The following MPLKIP variants were observed in gnomAD, a reference collection of about 807,000 sequenced individuals.
The protein encoded by MPLKIP is M-phase specific PLK1 interacting protein.
Under a neutral mutation model 16.9 loss-of-function variants are expected in MPLKIP, and 16 were observed. The ratio of observed to expected loss-of-function variants is 0.94; its 90% CI spans 0.64 to 1.43. MPLKIP has a LOEUF of 1.43. Among genes scored for constraint, MPLKIP ranks in the 40% most tolerant of loss-of-function variants. The probability of loss-of-function intolerance (pLI) is 0.00; values close to 1 mark genes in which losing one functional copy is unlikely to be tolerated. For synonymous variants in MPLKIP, 126 were observed against 98.4 expected (o/e 1.28, Z -1.66); for missense variants, 282 against 237.6 (o/e 1.19, Z -1.23).
Position 40,134,617 on chromosome 7 carries a change from T to G in MPLKIP, c.-50A>C, listed in dbSNP as rs746561954. ...CGCAGCCGCGTTCTCCCACCGGAAC[T>G]GTATCAACCGGCCCTCCGCAGAGAA... On this transcript the variant is annotated 5_prime_UTR_variant, in exon 1 of 2. Transcript: ENST00000306984. 2.0e-6 allele frequency: 3 copies of G among 1,528,326 alleles called. No homozygotes were observed. The highest frequency in any genetic ancestry group is 2.6e-6 in the Non-Finnish European group (3 of 1,133,966). 94.7% of individuals were successfully genotyped at this position (1,528,326 alleles called of 1,614,324 possible). A position where few individuals can be genotyped will look rare whatever the true frequency, so the allele number is the denominator to read the frequency against.
rs1787473893 is a variant in MPLKIP, at chr7:40,132,266, A to G, written c.*793T>C. 1.3e-5 allele frequency: 2 copies of G among 152,224 alleles called. No homozygotes were observed. Among genetic ancestry groups the G allele is most frequent in the African/African-American group, 4.8e-5 (2 of 41,446 alleles). The allele number at this position is 152,224 out of a possible 1,614,324, so 9.4% of individuals were successfully genotyped here. On this transcript the variant is annotated 3_prime_UTR_variant, in exon 2 of 2. Transcript: ENST00000306984. ...ATTGGTTCAATAATACAGAAACATGATCTAAGTATGGCAAATTTGTCTTCT... is the reference window on the plus strand; with the variant it reads ...ATTGGTTCAATAATACAGAAACATGGTCTAAGTATGGCAAATTTGTCTTCT...
rs755130040 is a variant in MPLKIP, at chr7:40,133,217, T to G, written c.382A>C (p.Arg128=). The G allele has an allele frequency of 1.9e-6, 3 of 1,613,686 alleles. No homozygotes were observed. The highest frequency in any genetic ancestry group is 2.5e-6 in the Non-Finnish European group (3 of 1,179,982). The change falls in exon 2 of 2, where the codon AGA becomes CGA. Residue 128 remains arginine, a synonymous_variant. Coordinates refer to ENST00000306984, the MANE Select transcript of MPLKIP (RefSeq NM_138701.4). ...AACTCATTAGACATTCTTTTTTCTC[T>G]AACACGCCCTGATCCAAATGGTGTA... ...TSTPFGSGRV[R]EKRMSNELEN...
chr7:40,132,624 G>A lies in MPLKIP; in HGVS notation c.*435C>T, dbSNP rs2150559735. 1 of 246,916 alleles carries A rather than the reference G, an allele frequency of 4.0e-6. No homozygotes were observed. The highest frequency in any genetic ancestry group is 1.1e-4 in the East Asian group (1 of 8,984). 15.3% of individuals were successfully genotyped at this position (246,916 alleles called of 1,614,324 possible). On this transcript the variant is annotated 3_prime_UTR_variant, in exon 2 of 2. Transcript: ENST00000306984. ...CAGAGCTGTCTACAGCTCAAAGGAT[G>A]GTTTACCTATTTCATTTTCAAAAAT...
rs1787432163 is a variant in MPLKIP at position 40,129,384 on chromosome 7, G to A, written c.*3675C>T. The A allele has an allele frequency of 6.6e-6, 1 of 151,796 alleles. No homozygotes were observed. The highest frequency in any genetic ancestry group is 6.6e-5 in the Admixed American group (1 of 15,218). The allele number at this position is 151,796 out of a possible 1,614,324, so 9.4% of individuals were successfully genotyped here. ...TGATTCTTCTGCCTCAGCCTCCCCA[G>A]TAGCTGGTATTACAGGCGCGCGCCA... On this transcript the variant is annotated 3_prime_UTR_variant, in exon 2 of 2. Coordinates refer to ENST00000306984, the MANE Select transcript of MPLKIP (RefSeq NM_138701.4).
Position 40,134,375 on chromosome 7 carries a change from G to T in MPLKIP, c.193C>A (p.His65Asn), listed in dbSNP as rs759958506. The change falls in exon 1 of 2, where the codon CAC becomes AAC. Residue 65 changes from histidine (H) to asparagine (N), a missense_variant. Coordinates refer to ENST00000306984, the MANE Select transcript of MPLKIP (RefSeq NM_138701.4). ...GPRSRPYGSSHSPRHGGSFPG... is the reference protein window; with the variant it reads ...GPRSRPYGSSNSPRHGGSFPG... ...AAGCTGCCGCCGTGTCGCGGAGAGT[G>T]ACTGCTCCCGTACGGCCTAGACCGG... is the stretch of plus-strand genomic sequence containing the variant. 2 of 1,556,552 alleles carry T rather than the reference G, an allele frequency of 1.3e-6. No individual in the cohort carries two copies. Among genetic ancestry groups the T allele is most frequent in the African/African-American group, 2.7e-5 (2 of 73,450 alleles).
Position 40,134,272 on chromosome 7 carries a change from T to A in MPLKIP, c.296A>T (p.Gln99Leu). The change falls in exon 1 of 2, where the codon CAG becomes CTG. Residue 99 changes from glutamine (Q) to leucine (L), a missense_variant. Coordinates refer to ENST00000306984, the MANE Select transcript of MPLKIP (RefSeq NM_138701.4). ...SYSRSPAGSQ[Q>L]QFGYSPGQQQ... is the part of the protein sequence containing the mutation. Reference sequence around the variant, plus strand: ...CTGCCCTGGGGAGTAGCCGAATTGCTGCTGGGACCCCGCGGGGGACCTGGA... The same window carrying A: ...CTGCCCTGGGGAGTAGCCGAATTGCAGCTGGGACCCCGCGGGGGACCTGGA... The A allele has an allele frequency of 6.4e-7, 1 of 1,561,642 alleles. No individual in the cohort carries two copies. The highest frequency in any genetic ancestry group is 8.7e-7 in the Non-Finnish European group (1 of 1,152,774).
Position 40,130,264 on chromosome 7 carries a change from A to C in MPLKIP, c.*2795T>G, listed in dbSNP as rs906307348. 2 of 152,236 alleles carry C rather than the reference A, an allele frequency of 1.3e-5. No homozygotes were observed. Among genetic ancestry groups the C allele is most frequent in the Admixed American group, 1.3e-4 (2 of 15,274 alleles). 9.4% of individuals were successfully genotyped at this position (152,236 alleles called of 1,614,324 possible). On this transcript the variant is annotated 3_prime_UTR_variant, in exon 2 of 2. Transcript: ENST00000306984. The stretch of plus-strand genomic sequence containing the variant: ...TTTATAGAGGTAAAATGTGTATCCT[A>C]GAACATTAAAAAACAATCCCTTTCA...
rs953116601 is a variant in MPLKIP, at chr7:40,129,125, T to C, written c.*3934A>G. 1 of 152,068 alleles carries C rather than the reference T, an allele frequency of 6.6e-6. No individual in the cohort carries two copies. The highest frequency in any genetic ancestry group is 6.6e-5 in the Admixed American group (1 of 15,238). 9.4% of individuals were successfully genotyped at this position (152,068 alleles called of 1,614,324 possible). The stretch of plus-strand genomic sequence containing the variant: ...TGCTCTTTGCTTTCCTTTCACACAA[T>C]GTACCCACAAAGGAAATGATTTTTT... On this transcript the variant is annotated 3_prime_UTR_variant, in exon 2 of 2. Transcript: ENST00000306984.
Position 40,134,339 on chromosome 7 carries a change from G to T in MPLKIP, c.229C>A (p.Arg77=), listed in dbSNP as rs1291344374. 3 of 1,552,888 alleles carry T rather than the reference G, an allele frequency of 1.9e-6. No homozygotes were observed. Among genetic ancestry groups the T allele is most frequent in the Non-Finnish European group, 1.7e-6 (2 of 1,148,966 alleles). ...CCGCCAGGGGACGGAGACCCGAACC[G>T]GCCCCCCGGGAAGCTGCCGCCGTGT... ...PRHGGSFPGG[R]FGSPSPGGYP... Residue 77 remains arginine, a synonymous_variant, in exon 1 of 2, where the codon CGG becomes AGG. Transcript: ENST00000306984.
Position 40,133,187 on chromosome 7 carries a change from T to A in MPLKIP, c.412A>T (p.Asn138Tyr). ...TCAAGCATTGAAGGCTTGAAATAATTTTCCAACTCATTAGACATTCTTTTT... is the reference window on the plus strand; with the variant it reads ...TCAAGCATTGAAGGCTTGAAATAATATTCCAACTCATTAGACATTCTTTTT... ...REKRMSNELE[N>Y]YFKPSMLEDP... Residue 138 changes from asparagine (N) to tyrosine (Y), a missense_variant, in exon 2 of 2, where the codon AAT (asparagine) becomes TAT (tyrosine). By Grantham distance (143) the Asn-to-Tyr change is moderately radical (BLOSUM62 -2). Coordinates refer to ENST00000306984, the MANE Select transcript of MPLKIP (RefSeq NM_138701.4). 6.2e-7 allele frequency: 1 copy of A among 1,613,952 alleles called. No individual in the cohort carries two copies. Among genetic ancestry groups the A allele is most frequent in the South Asian group, 1.1e-5 (1 of 91,084 alleles).
Position 40,134,316 on chromosome 7 carries a change from G to T in MPLKIP, c.252C>A (p.Gly84=), listed in dbSNP as rs1029283476. The part of the protein sequence containing the change: ...PGGRFGSPSP[G]GYPGSYSRSP... ...ACCTGGAGTAGGAGCCAGGGTAGCC[G>T]CCAGGGGACGGAGACCCGAACCGGC... Residue 84 remains glycine (G), a synonymous_variant, in exon 1 of 2, where the codon GGC becomes GGA. Transcript: ENST00000306984. 6.4e-7 allele frequency: 1 copy of T among 1,555,186 alleles called. No homozygotes were observed. The highest frequency in any genetic ancestry group is 8.7e-7 in the Non-Finnish European group (1 of 1,149,862).
Position 40,131,951 on chromosome 7 carries a change from T to A in MPLKIP, c.*1108A>T, listed in dbSNP as rs554508055. ...GTCCCAGCTACTCAGGAGCCGAAGG[T>A]TGCAGTGAGCCAAGATTGCACCACT... On this transcript the variant is annotated 3_prime_UTR_variant, in exon 2 of 2. Coordinates refer to ENST00000306984, the MANE Select transcript of MPLKIP (RefSeq NM_138701.4). 1 of 152,184 alleles carries A rather than the reference T, an allele frequency of 6.6e-6. No individual in the cohort carries two copies. The highest frequency in any genetic ancestry group is 2.4e-5 in the African/African-American group (1 of 41,438). 9.4% of individuals were successfully genotyped at this position (152,184 alleles called of 1,614,324 possible). A position where few individuals can be genotyped will look rare whatever the true frequency, so the allele number is the denominator to read the frequency against.
In MPLKIP at chr7:40,131,079, A is replaced by G. The variant is rs1288880133; in HGVS notation, c.*1980T>C. The G allele has an allele frequency of 6.6e-6, 1 of 152,190 alleles. No homozygotes were observed. The highest frequency in any genetic ancestry group is 2.4e-5 in the African/African-American group (1 of 41,452). The allele number at this position is 152,190 out of a possible 1,614,324, so 9.4% of individuals were successfully genotyped here. On this transcript the variant is annotated 3_prime_UTR_variant, in exon 2 of 2. Transcript: ENST00000306984. Reference sequence around the variant, plus strand: ...AATCCTCCAACACAACACCTCTATGACACAGGTACTATTAATTTTCTCATC... The same window carrying G: ...AATCCTCCAACACAACACCTCTATGGCACAGGTACTATTAATTTTCTCATC...
Position 40,130,157 on chromosome 7 carries a change from G to C in MPLKIP, c.*2902C>G, listed in dbSNP as rs1254343319. ...ACCCTTGTTTGAAGACTCTACTATA[G>C]ACTACACTTCCATCCTTTAAGCATA... is the stretch of plus-strand genomic sequence containing the variant. On this transcript the variant is annotated 3_prime_UTR_variant, in exon 2 of 2. Transcript: ENST00000306984. 1 of 152,082 alleles carries C rather than the reference G, an allele frequency of 6.6e-6. No individual in the cohort carries two copies. Among genetic ancestry groups the C allele is most frequent in the Non-Finnish European group, 1.5e-5 (1 of 68,008 alleles). 9.4% of individuals were successfully genotyped at this position (152,082 alleles called of 1,614,324 possible).
In MPLKIP at chr7:40,132,485, T is replaced by A. The variant is rs1172014512; in HGVS notation, c.*574A>T. On this transcript the variant is annotated 3_prime_UTR_variant, in exon 2 of 2. Coordinates refer to ENST00000306984, the MANE Select transcript of MPLKIP (RefSeq NM_138701.4). Reference sequence around the variant, plus strand: ...TTCCAGTTAAATGAGTATAAAGTTATGCTTAAATGGGTTTCTGGGGCTTCA... The same window carrying A: ...TTCCAGTTAAATGAGTATAAAGTTAAGCTTAAATGGGTTTCTGGGGCTTCA... The A allele has an allele frequency of 3.1e-5, 5 of 161,684 alleles. No homozygotes were observed. Among genetic ancestry groups the A allele is most frequent in the Admixed American group, 3.0e-4 (5 of 16,746 alleles). The allele number at this position is 161,684 out of a possible 1,614,324, so 10.0% of individuals were successfully genotyped here.
chr7:40,128,058 G>A lies in MPLKIP; in HGVS notation c.*5001C>T, dbSNP rs575400125. ...ACTCTGTCACACACACACAAAAAAA[G>A]AGGTCATTAGGAAGTTCAGGGCTTA... On this transcript the variant is annotated 3_prime_UTR_variant, in exon 2 of 2. Coordinates refer to ENST00000306984, the MANE Select transcript of MPLKIP (RefSeq NM_138701.4). 2.6e-5 allele frequency: 4 copies of A among 152,200 alleles called. No individual in the cohort carries two copies. Among genetic ancestry groups the A allele is most frequent in the South Asian group, 2.1e-4 (1 of 4,814 alleles). 9.4% of individuals were successfully genotyped at this position (152,200 alleles called of 1,614,324 possible).
chr7:40,133,443 A>C (rs1285487897), intron 1 of MPLKIP, among the ~76,000 whole-genome samples, 184 bp from the exon 2 acceptor site: 1 of 152,212 alleles, frequency 6.6e-6, no homozygotes, highest in Non-Finnish European at 1.5e-5. Flanking sequence ...AAAGTACTTA[A>C]AGCAATTCGT....
chr7:40,134,222 T>G lies in MPLKIP; in HGVS notation c.339+7A>C. 1 of 1,552,754 alleles carries G rather than the reference T, an allele frequency of 6.4e-7. No individual in the cohort carries two copies. Among genetic ancestry groups the G allele is most frequent in the Non-Finnish European group, 8.7e-7 (1 of 1,147,840 alleles). On this transcript the variant is annotated splice_region_variant and intron_variant, in intron 1 of 1. Transcript: ENST00000306984. ...AGAGCTCGGCAAACGCTGGCTATTA[T>G]TATTACCTGGGGGTGGGTCTGCTGC... is the stretch of plus-strand genomic sequence containing the variant.
Position 40,130,604 on chromosome 7 carries a change from T to G in MPLKIP, c.*2455A>C, listed in dbSNP as rs1285113030. On this transcript the variant is annotated 3_prime_UTR_variant, in exon 2 of 2. Coordinates refer to ENST00000306984, the MANE Select transcript of MPLKIP (RefSeq NM_138701.4). Reference sequence around the variant, plus strand: ...ATATAAATACACTGGCACAAAATCCTAACTTCTGTTTTCGTCTTTACTAAT... The same window carrying G: ...ATATAAATACACTGGCACAAAATCCGAACTTCTGTTTTCGTCTTTACTAAT... The G allele has an allele frequency of 1.3e-5, 2 of 152,222 alleles. No homozygotes were observed. The highest frequency in any genetic ancestry group is 2.9e-5 in the Non-Finnish European group (2 of 68,038). 9.4% of individuals were successfully genotyped at this position (152,222 alleles called of 1,614,324 possible).
Sources: allele counts gnomAD v4.1 joint callset (sites outside exome capture counted in the v4.1 genomes callset), GRCh38; gene constraint gnomAD v4.1.1; transcripts MANE v1.5; gene names NCBI Gene and HGNC (gene_info 2026-07-23, HGNC 2026-07-21).